Variants in HDAC5 observed in about 807,000 individuals in gnomAD.
The protein encoded by HDAC5 is histone deacetylase 5.
In HDAC5, 25 loss-of-function variants were observed where a neutral mutation model predicts 133.3. The ratio of observed to expected loss-of-function variants is 0.19; its 90% CI spans 0.14 to 0.26. The LOEUF is 0.26. HDAC5 is among the 10% of genes least tolerant of loss of function. The pLI, the probability that HDAC5 is intolerant of heterozygous loss-of-function variation, is 1.00. For synonymous variants in HDAC5, 589 were observed against 610.8 expected, an observed-to-expected ratio of 0.96 and a Z score of 0.53; for missense variants, 1,041 against 1,460.5, an observed-to-expected ratio of 0.71 and a Z score of 4.68.
intron 3 of HDAC5, among the ~76,000 whole-genome samples, chr17:44,109,548 C>T (rs2052208014): frequency 6.6e-6 from 1 of 152,212 alleles, no homozygotes; most frequent in Non-Finnish European, 1.5e-5. Flanking sequence ...GGTCATGCTC[C>T]TACATGAGAA....
intron 2 of HDAC5, among the ~76,000 whole-genome samples, chr17:44,112,779 A>C (rs1001951363): frequency 1.3e-5 from 2 of 152,202 alleles, no homozygotes; most frequent in East Asian, 3.8e-4. Context: ...AGCAAGATGT[A>C]TATGTTGCCA....
rs1597969694 is a variant in HDAC5, at chr17:44,092,963, G to T, written c.641+129C>A. 5 of 676,710 alleles carry T rather than the reference G, an allele frequency of 7.4e-6. No individual in the cohort carries two copies. The East Asian group carries it at 1.4e-4, about 19-fold the overall frequency. The allele number at this position is 676,710 out of a possible 1,614,324, so 41.9% of individuals were successfully genotyped here. On this transcript the variant is annotated intron_variant, in intron 6 of 26. Transcript: ENST00000682912. ...AATGAGGAAATAAACCAGGGATGGGGGTCCTGTCTCTAAGGAGAGATTGCA... is the reference window on the plus strand; with the variant it reads ...AATGAGGAAATAAACCAGGGATGGGTGTCCTGTCTCTAAGGAGAGATTGCA...
rs937784638 is a variant in HDAC5 at position 44,113,097 on chromosome 17, G to A, written c.23-2297C>T. On this transcript the variant is annotated intron_variant, in intron 2 of 26. Coordinates refer to ENST00000682912, the MANE Select transcript of HDAC5 (RefSeq NM_005474.5). Reference sequence around the variant, plus strand: ...CCAGCCCAGGACTCCTCCCACCCACGCTAGGAGTAACCAGAAGGGCTGGCT... The same window carrying A: ...CCAGCCCAGGACTCCTCCCACCCACACTAGGAGTAACCAGAAGGGCTGGCT... 4.6e-5 allele frequency among the ~76,000 whole-genome samples: 7 copies of A among 152,254 alleles called. No individual in the cohort carries two copies. In the South Asian group the frequency reaches 6.2e-4, roughly 14 times the overall value.
intron 2 of HDAC5, chr17:44,111,578 C>T: frequency 1.9e-6 from 1 of 517,102 alleles, no homozygotes; most frequent in East Asian, 5.5e-5. Context: ...TTTCTTCTTG[C>T]CTTCCAGAAC....
intron 3 of HDAC5, among the ~76,000 whole-genome samples, chr17:44,105,912 A>G (rs571978118): frequency 1.4e-4 from 21 of 152,340 alleles, no homozygotes; most frequent in Admixed American, 7.2e-4. Flanking sequence ...CACCTGAGAC[A>G]TGAGTTTAAA....
chr17:44,080,968 T>C, intron 20 of HDAC5, 86 bp from the exon 21 acceptor site: 1 of 1,567,854 alleles, frequency 6.4e-7, no homozygotes, highest in Non-Finnish European at 8.7e-7. Flanking sequence ...GCACTGTAGC[T>C]CATGCCTGTA....
intron 3 of HDAC5, among the ~76,000 whole-genome samples, chr17:44,099,472 G>GT (rs1488476353): frequency 6.6e-6 from 1 of 151,310 alleles, no homozygotes; most frequent in Non-Finnish European, 1.5e-5. Flanking sequence ...TGTGTGTTTC[G>GT]TTTTTTCTTT....
At chr17:44,086,983 G>A (rs1351990201) in intron 13 of HDAC5, among the ~76,000 whole-genome samples, 1 of 148,450 alleles carries the variant, frequency 6.7e-6, no homozygotes, top group East Asian at 2.1e-4. Flanking sequence ...GGAGGGGTGG[G>A]GGCGGGGGCG....
At chr17:44,105,337 G>C (rs1049327809) in intron 3 of HDAC5, among the ~76,000 whole-genome samples, 1 of 152,146 alleles carries the variant, frequency 6.6e-6, no homozygotes, top group African/African-American at 2.4e-5. Context: ...CTGATGGAAG[G>C]CATAAAACAT....
chr17:44,098,253 G>A (rs901181083), intron 3 of HDAC5, among the ~76,000 whole-genome samples: 4 of 152,238 alleles, frequency 2.6e-5, no homozygotes, highest in Admixed American at 1.3e-4. Context: ...TGCCAGCCTG[G>A]CATGAGCAGA....
chr17:44,106,031 G>A (rs772506676), intron 3 of HDAC5, among the ~76,000 whole-genome samples: 8 of 151,992 alleles, frequency 5.3e-5, no homozygotes, highest in Non-Finnish European at 7.3e-5. Flanking sequence ...ATTCTGATGC[G>A]ACCAAAAGTT....
intron 14 of HDAC5, 137 bp downstream of exon 14, chr17:44,086,435 G>T: frequency 1.6e-6 from 1 of 606,760 alleles, no homozygotes; most frequent in Non-Finnish European, 2.5e-6. Flanking sequence ...GGTACAGGGA[G>T]AGAACGAAGG....
At position 44,117,440 on chromosome 17, in the gene HDAC5, C is replaced by T; in HGVS notation, c.22+54G>A. 3 of 1,596,448 alleles carry T rather than the reference C, an allele frequency of 1.9e-6. No homozygotes were observed. Among genetic ancestry groups the T allele is most frequent in the South Asian group, 2.2e-5 (2 of 90,724 alleles). On this transcript the variant is annotated intron_variant, in intron 2 of 26. Coordinates refer to ENST00000682912, the MANE Select transcript of HDAC5 (RefSeq NM_005474.5). This position sits in a 1 kb window ranked among gnomAD's most constrained non-coding sequence, Gnocchi z 4.2. ...GGCCTGGAAGGGAAACCCACACAGCCCATTGCATCCGAAGCTACCCCAGGG... is the reference window on the plus strand; with the variant it reads ...GGCCTGGAAGGGAAACCCACACAGCTCATTGCATCCGAAGCTACCCCAGGG...
intron 1 of HDAC5, among the ~76,000 whole-genome samples, chr17:44,123,011 C>T (rs1239467548): frequency 6.6e-6 from 1 of 152,190 alleles, no homozygotes; most frequent in Non-Finnish European, 1.5e-5. Flanking sequence ...AAGTCAAGGA[C>T]ATAAAATCAA....
chr17:44,086,715 A>G lies in HDAC5; in HGVS notation c.1907T>C (p.Leu636Pro), dbSNP rs751653303. 2 of 1,298,462 alleles carry G rather than the reference A, an allele frequency of 1.5e-6. No individual in the cohort carries two copies. The highest frequency in any genetic ancestry group is 2.0e-6 in the Non-Finnish European group (2 of 1,016,460). 80.4% of individuals were successfully genotyped at this position (1,298,462 alleles called of 1,614,324 possible). Residue 636 changes from leucine (L) to proline (P), a missense_variant, in exon 14 of 27, where the codon CTG (leucine) becomes CCG (proline). By Grantham distance (98) the Leu-to-Pro change is moderately conservative. Around this residue, in one of 9 missense-constraint regions of HDAC5, gnomAD observed 433 missense variants for 531.6 expected, o/e 0.81. Coordinates refer to ENST00000682912, the MANE Select transcript of HDAC5 (RefSeq NM_005474.5). ...YKKLFSDAQP[L>P]QPLQVYQAPL... ...CGCCTGGTACACCTGCAAAGGCTGC[A>G]GCGGCTGGGCATCTGAGAACAGCTG... is the stretch of plus-strand genomic sequence containing the variant.
intron 3 of HDAC5, among the ~76,000 whole-genome samples, chr17:44,105,967 G>C (rs1434156991): frequency 1.3e-5 from 2 of 152,322 alleles, no homozygotes; most frequent in East Asian, 1.9e-4. Context: ...CCTTTGTTGG[G>C]GGGGCAGGGT....
At chr17:44,103,039 C>T (rs1257594801) in intron 3 of HDAC5, among the ~76,000 whole-genome samples, 1 of 152,142 alleles carries the variant, frequency 6.6e-6, no homozygotes, top group Non-Finnish European at 1.5e-5. Flanking sequence ...CCACCAGCAC[C>T]CAGGCCCTCA....
At chr17:44,118,027 A>C (rs2052756250) in intron 1 of HDAC5, among the ~76,000 whole-genome samples, 1 of 152,180 alleles carries the variant, frequency 6.6e-6, no homozygotes, top group Non-Finnish European at 1.5e-5. Context: ...TGTGCACCAA[A>C]GGAGAAAGTG....
intron 3 of HDAC5, among the ~76,000 whole-genome samples, chr17:44,108,120 G>C (rs576631706): frequency 9.9e-5 from 15 of 152,166 alleles, no homozygotes; most frequent in Non-Finnish European, 1.8e-4. Flanking sequence ...AGGGTGGCCA[G>C]GCAGAGACCC....
Sources: allele counts gnomAD v4.1 joint callset (sites outside exome capture counted in the v4.1 genomes callset), GRCh38; gene constraint gnomAD v4.1.1; regional missense constraint gnomAD v4.1.1; non-coding constraint Gnocchi (gnomAD v3.1); transcripts MANE v1.5; gene names NCBI Gene and HGNC (gene_info 2026-07-23, HGNC 2026-07-21).